Variants in GHITM observed in about 807,000 individuals in gnomAD.
GHITM encodes growth hormone inducible transmembrane protein, also known as growth hormone-inducible transmembrane protein.
GHITM carries 24 observed loss-of-function variants against 38.7 expected under a neutral mutation model. The ratio of observed to expected loss-of-function variants is 0.62; its 90% confidence interval spans 0.45 to 0.87. The LOEUF (loss-of-function observed/expected upper bound fraction) is 0.87, where lower values mean the gene tolerates loss of function less well. GHITM is among the 40% of genes least tolerant of loss of function. GHITM has a pLI of 0.00. For missense variants in GHITM, 420 were observed against 429.8 expected (o/e 0.98, Z 0.20); for synonymous variants, 154 against 147.8 (o/e 1.04, Z -0.30).
chr10:84,143,057 A>AAGCATATAAT (rs1453955872), intron 3 of GHITM, among the ~76,000 whole-genome samples: 1 of 152,208 alleles, frequency 6.6e-6, no homozygotes, highest in Non-Finnish European at 1.5e-5. Flanking sequence ...ATCCTCATTC[A>AAGCATATAAT]AGCATATAAT....
chr10:84,144,248 TC>T (rs1841535102), intron 4 of GHITM, 142 bp downstream of exon 4: 5 of 561,508 alleles, frequency 8.9e-6, no homozygotes, highest in Non-Finnish European at 1.3e-5. Context: ...ATAGAGAATC[TC>T]TTTTTGCTTC....
chr10:84,143,280 A>G (rs1345352050), intron 3 of GHITM, among the ~76,000 whole-genome samples: 1 of 152,234 alleles, frequency 6.6e-6, no homozygotes, highest in Non-Finnish European at 1.5e-5. Flanking sequence ...AAAGAATACC[A>G]CTGCTCCTTA....
chr10:84,150,683 ATCTTGTTT>A lies in GHITM; in HGVS notation c.782-23_782-16del, dbSNP rs1342673110. 6.4e-7 allele frequency: 1 copy of A among 1,559,840 alleles called. No individual in the cohort carries two copies. Among genetic ancestry groups the A allele is most frequent in the Non-Finnish European group, 8.7e-7 (1 of 1,152,426 alleles). The stretch of plus-strand genomic sequence containing the variant: ...TATCGGAAATCCTTTTTTAAAAAAA[ATCTTGTTT>A]TCGCATTTTGATTTCAGGATCTATG... On this transcript the variant is annotated intron_variant, in intron 7 of 8. Coordinates refer to ENST00000372134, the MANE Select transcript of GHITM (RefSeq NM_014394.3).
intron 4 of GHITM, 28 bp downstream of exon 4, chr10:84,144,134 T>A: frequency 7.2e-7 from 1 of 1,386,656 alleles, no homozygotes; most frequent in Non-Finnish European, 1.0e-6. Flanking sequence ...AGTAAACTGT[T>A]CCTAAACAAC....
intron 4 of GHITM, among the ~76,000 whole-genome samples, chr10:84,144,369 T>TTTG (rs368020553): frequency 0.12 from 18,602 of 152,032 alleles, 1,378 homozygotes; most frequent in East Asian, 0.35. Flanking sequence ...TTGTTTGTTT[T>TTTG]TTTGGAGAGA....
At chr10:84,141,252 A>C (rs1841502990) in intron 1 of GHITM, among the ~76,000 whole-genome samples, 1 of 152,188 alleles carries the variant, frequency 6.6e-6, no homozygotes, top group South Asian at 2.1e-4. Context: ...CTCCATCTTC[A>C]GCTGTGTTCT....
intron 2 of GHITM, 50 bp from the exon 3 acceptor site, chr10:84,142,605 C>A (rs377263829): frequency 3.6e-6 from 4 of 1,120,974 alleles, no homozygotes; most frequent in Non-Finnish European, 5.3e-6. Context: ...ATTTTATTAA[C>A]GTTCTGTTTT....
In GHITM at chr10:84,139,529, C is replaced by T. The variant is rs1187100701; in HGVS notation, c.-104C>T. On this transcript the variant is annotated 5_prime_UTR_variant, in exon 1 of 9. Coordinates refer to ENST00000372134, the MANE Select transcript of GHITM (RefSeq NM_014394.3). The stretch of plus-strand genomic sequence containing the variant: ...CATGCAGTGCGCCGGAGGAACTGTG[C>T]TCTTTGAGGCCGACGCTAGGGGCCC... The T allele has an allele frequency of 6.6e-6, 1 of 152,276 alleles. No individual in the cohort carries two copies. The highest frequency in any genetic ancestry group is 1.9e-4 in the East Asian group (1 of 5,186). 9.4% of individuals were successfully genotyped at this position (152,276 alleles called of 1,614,324 possible). A position where few individuals can be genotyped will look rare whatever the true frequency, so the allele number is the denominator to read the frequency against.
At chr10:84,143,664 G>A (rs1296561260) in intron 3 of GHITM, among the ~76,000 whole-genome samples, 1 of 152,084 alleles carries the variant, frequency 6.6e-6, no homozygotes, top group Admixed American at 6.6e-5. Flanking sequence ...TGAATGTCAT[G>A]TGAATATACT....
intron 8 of GHITM, among the ~76,000 whole-genome samples, chr10:84,152,035 T>C (rs1021131161): frequency 3.1e-4 from 47 of 152,322 alleles, no homozygotes; most frequent in African/African-American, 1.1e-3. Context: ...GAGAATAAAA[T>C]AATGATTTTT....
At chr10:84,141,049 C>T (rs1365496994) in intron 1 of GHITM, among the ~76,000 whole-genome samples, 2 of 152,150 alleles carry the variant, frequency 1.3e-5, no homozygotes, top group Non-Finnish European at 2.9e-5. Context: ...TATTCCTTTG[C>T]CCAAAAGTTA....
intron 8 of GHITM, among the ~76,000 whole-genome samples, chr10:84,151,111 G>C (rs986454245): frequency 6.6e-6 from 1 of 152,192 alleles, no homozygotes; most frequent in African/African-American, 2.4e-5. Flanking sequence ...GGGAAAATCT[G>C]TTCCCTGCCT....
intron 5 of GHITM, among the ~76,000 whole-genome samples, chr10:84,147,842 A>G (rs1326286623): frequency 2.0e-5 from 3 of 152,202 alleles, no homozygotes; most frequent in African/African-American, 4.8e-5. Context: ...CAAATTAGCC[A>G]TAAACCTGGA....
intron 2 of GHITM, among the ~76,000 whole-genome samples, chr10:84,141,859 TTC>T (rs1248665091): frequency 6.6e-6 from 1 of 152,214 alleles, no homozygotes; most frequent in East Asian, 1.9e-4. Context: ...CTTCTGGAGT[TTC>T]TCATTTAGAA....
chr10:84,144,075 T>A lies in GHITM; in HGVS notation c.310T>A (p.Ser104Thr). 3.1e-6 allele frequency: 5 copies of A among 1,613,106 alleles called. No homozygotes were observed. The highest frequency in any genetic ancestry group is 4.2e-6 in the Non-Finnish European group (5 of 1,179,042). The change falls in exon 4 of 9, where the codon TCT (serine) becomes ACT (threonine). Residue 104 changes from serine to threonine, a missense_variant. Ser to Thr is a moderately conservative substitution (Grantham distance 58). Coordinates refer to ENST00000372134, the MANE Select transcript of GHITM (RefSeq NM_014394.3). The part of the protein sequence containing the change: ...GALCYYGLGL[S>T]NEIGAIEKAV... Reference sequence around the variant, plus strand: ...ATTGTGCTACTATGGCTTGGGACTGTCTAATGAGATTGGAGCTATTGAAAA... The same window carrying A: ...ATTGTGCTACTATGGCTTGGGACTGACTAATGAGATTGGAGCTATTGAAAA...
chr10:84,141,843 T>C (rs1841510215), intron 2 of GHITM, among the ~76,000 whole-genome samples: 1 of 152,198 alleles, frequency 6.6e-6, no homozygotes, highest in African/African-American at 2.4e-5. Flanking sequence ...CTGTCTTCGC[T>C]TACAGCTTCT....
rs370768977 is a variant in GHITM, at chr10:84,150,259, T to C, written c.781+16T>C. The C allele has an allele frequency of 6.4e-7, 1 of 1,565,614 alleles. No homozygotes were observed. The highest frequency in any genetic ancestry group is 8.7e-7 in the Non-Finnish European group (1 of 1,149,768). ...TCCTCATTGGGTAAGCTGCTGTGTT[T>C]TAACACTTAATTCTTGGTGCATAGT... On this transcript the variant is annotated intron_variant, in intron 7 of 8. Transcript: ENST00000372134.
Position 84,150,240 on chromosome 10 carries a change from T to A in GHITM, c.778T>A (p.Leu260Met). The A allele has an allele frequency of 1.2e-6, 2 of 1,600,866 alleles. No individual in the cohort carries two copies. The highest frequency in any genetic ancestry group is 1.7e-6 in the Non-Finnish European group (2 of 1,172,404). ...VGLGLVFVSS[L>M]GSMFLPPTTV... is the part of the protein sequence containing the mutation. ...CCTGGGTCTCGTCTTTGTGTCCTCA[T>A]TGGGTAAGCTGCTGTGTTTTAACAC... is the stretch of plus-strand genomic sequence containing the variant. Residue 260 changes from leucine to methionine, a missense_variant, in exon 7 of 9, where the codon TTG becomes ATG. Coordinates refer to ENST00000372134, the MANE Select transcript of GHITM (RefSeq NM_014394.3).
intron 1 of GHITM, 49 bp downstream of exon 1, chr10:84,139,642 A>T (rs1841485089): frequency 6.6e-6 from 1 of 152,212 alleles, no homozygotes; most frequent in South Asian, 2.1e-4. Context: ...GGTGGTCCTG[A>T]CAGCCGCCCT....
Sources: allele counts gnomAD v4.1 joint callset (sites outside exome capture counted in the v4.1 genomes callset), GRCh38; gene constraint gnomAD v4.1.1; transcripts MANE v1.5; gene names NCBI Gene and HGNC (gene_info 2026-07-23, HGNC 2026-07-21).